The following FSTL4 variants were observed in gnomAD, a reference collection of about 807,000 sequenced individuals.
The protein encoded by FSTL4 is follistatin-related protein 4.
A neutral mutation model predicts 78.2 loss-of-function variants in FSTL4; 28 were observed. The observed-to-expected ratio is 0.36, with a 90% CI of 0.27 to 0.49. FSTL4 has a LOEUF of 0.49. FSTL4 is among the 20% of genes least tolerant of loss of function. The pLI, the probability that FSTL4 is intolerant of heterozygous loss-of-function variation, is 0.98. For synonymous variants in FSTL4, 422 were observed against 440.5 expected, an observed-to-expected ratio of 0.96 and a Z score of 0.53; for missense variants, 922 against 1,084.9, an observed-to-expected ratio of 0.85 and a Z score of 2.11.
At chr5:133,742,877 G>A in the FSTL4 span, among the ~76,000 whole-genome samples, 1 of 152,110 alleles carries the variant, frequency 6.6e-6, no homozygotes, top group Non-Finnish European at 1.5e-5. Flanking sequence ...AGCGCGCGGT[G>A]GAGATCAAAG....
chr5:133,745,697 T>TTCA, the FSTL4 span, among the ~76,000 whole-genome samples: 2 of 152,218 alleles, frequency 1.3e-5, no homozygotes, highest in African/African-American at 4.8e-5. Context: ...GCCTGGTAGA[T>TTCA]TCATCCACAA....
At chr5:133,778,223 C>T in the FSTL4 span, among the ~76,000 whole-genome samples, 2 of 152,182 alleles carry the variant, frequency 1.3e-5, no homozygotes, top group African/African-American at 2.4e-5. Flanking sequence ...CTGCAACATC[C>T]TGTTTAGATC....
the FSTL4 span, among the ~76,000 whole-genome samples, chr5:133,777,198 A>G: frequency 1.4e-5 from 2 of 147,260 alleles, no homozygotes; most frequent in Non-Finnish European, 3.0e-5. Flanking sequence ...ATGGAAAATT[A>G]CACAGCTATT....
At chr5:133,449,943 C>G (rs1057122771) in intron 3 of FSTL4, among the ~76,000 whole-genome samples, 3 of 152,212 alleles carry the variant, frequency 2.0e-5, no homozygotes, top group African/African-American at 7.2e-5. Context: ...ACTGGGGACA[C>G]ACTGTGGTCA....
At chr5:133,726,075 G>A in the FSTL4 span, among the ~76,000 whole-genome samples, 3 of 152,174 alleles carry the variant, frequency 2.0e-5, no homozygotes, top group Non-Finnish European at 4.4e-5. Flanking sequence ...GGGTGATCCT[G>A]CTGACTATTA....
chr5:133,451,563 A>T (rs967173621), intron 3 of FSTL4, among the ~76,000 whole-genome samples: 1 of 152,202 alleles, frequency 6.6e-6, no homozygotes, highest in Non-Finnish European at 1.5e-5. Flanking sequence ...GTCTGTCTCA[A>T]AAAAGAAAAA....
chr5:133,393,002 A>G (rs1341831863), intron 4 of FSTL4, among the ~76,000 whole-genome samples: 1 of 152,254 alleles, frequency 6.6e-6, no homozygotes, highest in Admixed American at 6.5e-5. Flanking sequence ...TCACACCAAG[A>G]CAGTTCCTTG....
intron 2 of FSTL4, among the ~76,000 whole-genome samples, chr5:133,576,584 C>A (rs2112953333): frequency 6.6e-6 from 1 of 152,256 alleles, no homozygotes; most frequent in South Asian, 2.1e-4. Context: ...TACAAGGGGC[C>A]CGGCCTGAGG....
At chr5:133,700,974 C>T in the FSTL4 span, among the ~76,000 whole-genome samples, 1 of 152,210 alleles carries the variant, frequency 6.6e-6, no homozygotes, top group Admixed American at 6.5e-5. Context: ...CCTCTCTCTG[C>T]TCATTCAGAC....
At chr5:133,644,650 C>T in the FSTL4 span, among the ~76,000 whole-genome samples, 4 of 152,146 alleles carry the variant, frequency 2.6e-5, no homozygotes, top group African/African-American at 7.2e-5. Context: ...TCACTTACAT[C>T]AGACCAAGTG....
chr5:133,589,178 C>T (rs2112964333), intron 2 of FSTL4, among the ~76,000 whole-genome samples: 1 of 64,018 alleles, frequency 1.6e-5, no homozygotes, highest in Admixed American at 1.6e-4. Context: ...GGAGATATAC[C>T]TAATGCTAGA....
At chr5:133,638,536 G>A in the FSTL4 span, among the ~76,000 whole-genome samples, 41,383 of 151,904 alleles carry the variant, frequency 0.27, 6,071 homozygotes, top group Non-Finnish European at 0.32. Context: ...GCCTAAGGAC[G>A]TCCCTTCCCA....
chr5:133,642,519 T>C, the FSTL4 span, among the ~76,000 whole-genome samples: 1 of 152,214 alleles, frequency 6.6e-6, no homozygotes, highest in Non-Finnish European at 1.5e-5. Flanking sequence ...TGATACATGA[T>C]CCTTAACTTT....
At chr5:133,581,416 G>A (rs1051355449) in intron 2 of FSTL4, among the ~76,000 whole-genome samples, 4 of 152,188 alleles carry the variant, frequency 2.6e-5, no homozygotes, top group Admixed American at 6.5e-5. Context: ...TAAGATTGTC[G>A]TGAGAAAGGA....
chr5:133,339,963 C>A (rs1754547483), intron 4 of FSTL4, among the ~76,000 whole-genome samples: 1 of 152,196 alleles, frequency 6.6e-6, no homozygotes, highest in Non-Finnish European at 1.5e-5. Context: ...ATTGGAGTCA[C>A]TGTGGTTTGA....
chr5:133,396,382 G>A (rs1385512015), intron 4 of FSTL4, among the ~76,000 whole-genome samples: 1 of 152,204 alleles, frequency 6.6e-6, no homozygotes. Context: ...CCAAAGCAGT[G>A]CCCTTGAGCA....
At chr5:133,334,935 A>T (rs1482998303) in intron 4 of FSTL4, among the ~76,000 whole-genome samples, 1 of 152,136 alleles carries the variant, frequency 6.6e-6, no homozygotes, top group Non-Finnish European at 1.5e-5. Context: ...TACAAGGCCT[A>T]AGAGTCAGGG....
At chr5:133,284,809 G>A (rs991883857) in intron 6 of FSTL4, among the ~76,000 whole-genome samples, 42 of 152,194 alleles carry the variant, frequency 2.8e-4, no homozygotes, top group African/African-American at 9.4e-4. Flanking sequence ...TATCTGACAT[G>A]GTCCTTGCCT....
At chr5:133,834,144 C>T in the FSTL4 span, among the ~76,000 whole-genome samples, 1 of 152,172 alleles carries the variant, frequency 6.6e-6, no homozygotes, top group African/African-American at 2.4e-5. Context: ...ACTGGCTTTG[C>T]CAAGGTTCAT....
Sources: gnomAD v4.1 joint callset for allele counts (sites outside exome capture counted in the v4.1 genomes callset) on GRCh38, gnomAD v4.1.1 for gene constraint, MANE v1.5 for transcripts, NCBI Gene and HGNC (gene_info 2026-07-23, HGNC 2026-07-21) for gene names.